Variants in ABHD2 observed in about 807,000 individuals in gnomAD.
ABHD2 encodes the protein abhydrolase domain containing 2, acylglycerol lipase, also known as monoacylglycerol lipase ABHD2.
ABHD2 carries 20 observed loss-of-function variants against 48.1 expected under a neutral mutation model. The ratio of observed to expected loss-of-function variants is 0.42; its 90% CI spans 0.29 to 0.60. The LOEUF is 0.60. ABHD2 is among the 20% of genes least tolerant of loss of function. The pLI, the probability that ABHD2 is intolerant of heterozygous loss-of-function variation, is 0.24. For missense variants in ABHD2, 405 were observed against 550.9 expected (o/e 0.74, Z 2.65); for synonymous variants, 209 against 214.2 (o/e 0.98, Z 0.21).
At chr15:89,059,848 C>T in the ABHD2 span, among the ~76,000 whole-genome samples, 3 of 152,114 alleles carry the variant, frequency 2.0e-5, no homozygotes, top group African/African-American at 4.8e-5. Flanking sequence ...CTGCAGGGTC[C>T]GTGGCCGAAG....
At chr15:89,048,662 T>C in the ABHD2 span, among the ~76,000 whole-genome samples, 2 of 152,124 alleles carry the variant, frequency 1.3e-5, no homozygotes, top group East Asian at 3.8e-4. Flanking sequence ...CTTCCATCAC[T>C]GATACCCTTT....
intron 9 of ABHD2, among the ~76,000 whole-genome samples, chr15:89,192,299 T>G (rs915141030): frequency 1.3e-5 from 2 of 152,190 alleles, no homozygotes; most frequent in African/African-American, 4.8e-5. Flanking sequence ...AGAGCCAACA[T>G]CAGAGACCTA....
chr15:89,060,153 C>T, the ABHD2 span, among the ~76,000 whole-genome samples: 4 of 139,332 alleles, frequency 2.9e-5, no homozygotes, highest in South Asian at 4.5e-4. Flanking sequence ...TGCAATGGCG[C>T]GATCTCAGCT....
the ABHD2 span, among the ~76,000 whole-genome samples, chr15:89,061,325 C>T: frequency 1.3e-5 from 2 of 151,334 alleles, no homozygotes; most frequent in South Asian, 2.1e-4. Context: ...GGCTGAGGCA[C>T]GAGAATTGCT....
rs562169665 is a variant in ABHD2, at chr15:89,179,256, C to T, written c.722+3261C>T. Among the ~76,000 whole-genome samples the T allele has an allele frequency of 4.6e-5, 7 of 152,196 alleles. No homozygotes were observed. In the South Asian group the frequency reaches 1.2e-3, roughly 27 times the overall value. Reference sequence around the variant, plus strand: ...TCCCAACTGCTGTTAGGAACCAGGCCGCACAGCAGGAGGTGAGCGGTGGGC... The same window carrying T: ...TCCCAACTGCTGTTAGGAACCAGGCTGCACAGCAGGAGGTGAGCGGTGGGC... On this transcript the variant is annotated intron_variant, in intron 6 of 10. Transcript: ENST00000352732. This position sits in a 1 kb window ranked among gnomAD's most constrained non-coding sequence, Gnocchi z 4.3.
the ABHD2 span, among the ~76,000 whole-genome samples, chr15:89,079,983 C>T: frequency 1.3e-5 from 2 of 152,218 alleles, no homozygotes; most frequent in African/African-American, 4.8e-5. This position sits in a 1 kb window ranked among gnomAD's most constrained non-coding sequence, Gnocchi z 4.3. Context: ...GGGCTCACTT[C>T]GTAAACCTAG....
Position 89,182,217 on chromosome 15 carries a change from C to A in ABHD2, c.723-3207C>A, listed in dbSNP as rs1298895214. ...TGATTATCACTTCTTGAGAGTTTTG[C>A]AACTTTCAGAAAGCATCTTTCCTTT... On this transcript the variant is annotated intron_variant, in intron 6 of 10. Coordinates refer to ENST00000352732, the MANE Select transcript of ABHD2 (RefSeq NM_152924.5). This position sits in a 1 kb window ranked among gnomAD's most constrained non-coding sequence, Gnocchi z 4.8. 1.3e-5 allele frequency among the ~76,000 whole-genome samples: 2 copies of A among 152,088 alleles called. No individual in the cohort carries two copies. Among genetic ancestry groups the A allele is most frequent in the Non-Finnish European group, 2.9e-5 (2 of 67,974 alleles).
chr15:89,056,805 A>G, the ABHD2 span, among the ~76,000 whole-genome samples: 1 of 152,094 alleles, frequency 6.6e-6, no homozygotes, highest in African/African-American at 2.4e-5. Flanking sequence ...AAATGGGACA[A>G]TAGCAATCTC....
At chr15:89,057,124 G>GC in the ABHD2 span, among the ~76,000 whole-genome samples, 1 of 150,932 alleles carries the variant, frequency 6.6e-6, no homozygotes, top group South Asian at 2.1e-4. Flanking sequence ...CGTGTTAGCA[G>GC]GCTGGTCTTG....
In ABHD2 at chr15:89,144,267, G is replaced by A. The variant is rs146620160; in HGVS notation, c.195-7410G>A. ...TCCTGCCTCAGCCTCCCGAGTAGCT[G>A]GAATTACAGGTGTGTGCCACCATGC... is the stretch of plus-strand genomic sequence containing the variant. On this transcript the variant is annotated intron_variant, in intron 3 of 10. Transcript: ENST00000352732. Among the ~76,000 whole-genome samples, 117 of 152,166 alleles carry A rather than the reference G, an allele frequency of 7.7e-4. 3 individuals carry two copies. The East Asian group carries it at 0.011, about 14-fold the overall frequency.
At chr15:89,044,188 G>A in the ABHD2 span, among the ~76,000 whole-genome samples, 3 of 152,076 alleles carry the variant, frequency 2.0e-5, no homozygotes, top group East Asian at 5.8e-4. Context: ...TTTACTGAGA[G>A]TGATGATTTC....
At chr15:89,136,370 A>C in intron 3 of ABHD2, 3 of 520,452 alleles carry the variant, frequency 5.8e-6, no homozygotes, top group Non-Finnish European at 1.1e-5. Flanking sequence ...AGCACTTCTT[A>C]GAAAACTCTG....
chr15:89,082,656 C>G (rs1002956666), upstream of ABHD2: 16 of 152,302 alleles, frequency 1.1e-4, no homozygotes, highest in African/African-American at 3.9e-4. The surrounding 1 kb of genome is among the most constrained non-coding windows in gnomAD (Gnocchi z 4.4). Flanking sequence ...GCTTATTGCT[C>G]AGTCCTTTGA....
At chr15:89,157,957 GC>G (rs1482818893) in intron 5 of ABHD2, among the ~76,000 whole-genome samples, 1 of 152,016 alleles carries the variant, frequency 6.6e-6, no homozygotes. Flanking sequence ...TCAGAAATAG[GC>G]CAAATCAAAC....
At chr15:89,132,815 T>C (rs2150848092) in intron 3 of ABHD2, among the ~76,000 whole-genome samples, 1 of 152,344 alleles carries the variant, frequency 6.6e-6, no homozygotes, top group South Asian at 2.1e-4. Context: ...GGTGGCGCTC[T>C]CTCACTTTGT....
chr15:89,103,632 G>T (rs574654920), intron 1 of ABHD2, among the ~76,000 whole-genome samples: 2 of 152,316 alleles, frequency 1.3e-5, no homozygotes, highest in South Asian at 4.1e-4. Context: ...GTTCAGGGGG[G>T]TAAGGGTTGG....
At position 89,174,749 on chromosome 15, in the gene ABHD2, T is replaced by C. The variant is rs545627957; in HGVS notation, c.539-1063T>C. Among the ~76,000 whole-genome samples the C allele has an allele frequency of 6.6e-6, 1 of 152,324 alleles. No homozygotes were observed. Among genetic ancestry groups the C allele is most frequent in the East Asian group, 1.9e-4 (1 of 5,186 alleles). On this transcript the variant is annotated intron_variant, in intron 5 of 10. Transcript: ENST00000352732. This position sits in a 1 kb window ranked among gnomAD's most constrained non-coding sequence, Gnocchi z 4.1. ...TATCTTTCCATGTTAGATTTTAAAT[T>C]GGCTCCCTACAGAGTTTGAGGTTGG...
At chr15:89,053,620 G>A in the ABHD2 span, among the ~76,000 whole-genome samples, 1 of 152,240 alleles carries the variant, frequency 6.6e-6, no homozygotes, top group East Asian at 1.9e-4. Context: ...GAGGCACTAA[G>A]CAGAGGCCAT....
In ABHD2 at chr15:89,193,329, T is replaced by G; in HGVS notation, c.1081+10T>G. 1 of 1,607,188 alleles carries G rather than the reference T, an allele frequency of 6.2e-7. No homozygotes were observed. The highest frequency in any genetic ancestry group is 8.5e-7 in the Non-Finnish European group (1 of 1,173,592). ...CCAAAATCTCTTTCAGGTAAGTGTT[T>G]CTTCCTGCTGCCCTCTCAACAGCTC... On this transcript the variant is annotated intron_variant, in intron 10 of 10. Coordinates refer to ENST00000352732, the MANE Select transcript of ABHD2 (RefSeq NM_152924.5).
Sources: gnomAD v4.1 joint callset for allele counts (sites outside exome capture counted in the v4.1 genomes callset) on GRCh38, gnomAD v4.1.1 for gene constraint, Gnocchi (gnomAD v3.1) non-coding constraint, MANE v1.5 for transcripts, NCBI Gene and HGNC (gene_info 2026-07-23, HGNC 2026-07-21) for gene names.